TMEM132B: variants seen among roughly 807,000 people sequenced by gnomAD.
TMEM132B encodes transmembrane protein 132B.
Under a neutral mutation model 90.8 loss-of-function variants are expected in TMEM132B, and 18 were observed. The ratio of observed to expected loss-of-function variants is 0.20; its 90% CI spans 0.14 to 0.29. The LOEUF is 0.29. Ranked by LOEUF, TMEM132B falls within the 10% of genes least tolerant of loss-of-function variation. The probability of loss-of-function intolerance (pLI) is 1.00; values close to 1 mark genes in which losing one functional copy is unlikely to be tolerated. For synonymous variants in TMEM132B, 504 were observed against 523.3 expected, an observed-to-expected ratio of 0.96 and a Z score of 0.50; for missense variants, 1,096 against 1,326.8, an observed-to-expected ratio of 0.83 and a Z score of 2.70.
At chr12:125,591,037 TTGTG>T (rs1316294418) in intron 5 of TMEM132B, among the ~76,000 whole-genome samples, 5 of 147,164 alleles carry the variant, frequency 3.4e-5, no homozygotes, top group Admixed American at 2.0e-4. Context: ...GTGTGTGTGT[TTGTG>T]TGTGTGTGTG....
At chr12:125,234,603 G>A (rs954431120) in intron 1 of TMEM132B, among the ~76,000 whole-genome samples, 1 of 152,192 alleles carries the variant, frequency 6.6e-6, no homozygotes, top group South Asian at 2.1e-4. Flanking sequence ...CCTTGCTCAG[G>A]GATCTGTATT....
At chr12:125,647,636 T>G (rs1425496760) in intron 6 of TMEM132B, among the ~76,000 whole-genome samples, 1 of 152,124 alleles carries the variant, frequency 6.6e-6, no homozygotes, top group Admixed American at 6.5e-5. Flanking sequence ...CATTCTTAAA[T>G]GAACAAAAGT....
At chr12:125,386,509 T>TAAAA (rs1370552225) in intron 2 of TMEM132B, among the ~76,000 whole-genome samples, 3 of 152,240 alleles carry the variant, frequency 2.0e-5, no homozygotes, top group African/African-American at 4.8e-5. Context: ...ATGAGCAAAT[T>TAAAA]AGTAGATTCT....
Position 125,420,209 on chromosome 12 carries a change from G to A in TMEM132B, c.1106+4532G>A, listed in dbSNP as rs147315641. Among the ~76,000 whole-genome samples the A allele has an allele frequency of 5.6e-3, 857 of 152,310 alleles. 5 individuals are homozygous for A. Among genetic ancestry groups the A allele is most frequent in the African/African-American group, 0.019 (789 of 41,558 alleles). The stretch of plus-strand genomic sequence containing the variant: ...GCACCTCAGTGGGGACTCTGTGTGG[G>A]GGCTTCCATCCCACATTTCCCTTCT... On this transcript the variant is annotated intron_variant, in intron 3 of 8. Coordinates refer to ENST00000682704, the MANE Select transcript of TMEM132B (RefSeq NM_001366854.1).
At chr12:125,354,361 A>G (rs538046299) in intron 2 of TMEM132B, among the ~76,000 whole-genome samples, 1 of 152,334 alleles carries the variant, frequency 6.6e-6, no homozygotes, top group East Asian at 1.9e-4. Flanking sequence ...GAGATTTTAT[A>G]TACCATTTTC....
At chr12:125,402,108 A>G (rs746844425) in intron 2 of TMEM132B, among the ~76,000 whole-genome samples, 1 of 152,220 alleles carries the variant, frequency 6.6e-6, no homozygotes, top group Non-Finnish European at 1.5e-5. Context: ...ATACTCGGCT[A>G]TTGAAACTGC....
intron 1 of TMEM132B, among the ~76,000 whole-genome samples, chr12:125,250,408 A>G (rs1237773337): frequency 6.6e-6 from 1 of 152,162 alleles, no homozygotes; most frequent in Admixed American, 6.5e-5. Flanking sequence ...AGATTCTTTG[A>G]CGCCCTCGTG....
chr12:125,206,356 C>A (rs535027668), intron 1 of TMEM132B, among the ~76,000 whole-genome samples: 1 of 152,046 alleles, frequency 6.6e-6, no homozygotes, highest in East Asian at 1.9e-4. Flanking sequence ...CTCCTGCCTC[C>A]GCCTCCTGGG....
At chr12:125,566,332 C>T (rs1884656748) in intron 4 of TMEM132B, among the ~76,000 whole-genome samples, 1 of 152,128 alleles carries the variant, frequency 6.6e-6, no homozygotes. Context: ...ATTCTGTTTC[C>T]TGTAAAATGC....
intron 5 of TMEM132B, among the ~76,000 whole-genome samples, chr12:125,596,117 C>G (rs989950759): frequency 6.6e-6 from 1 of 152,160 alleles, no homozygotes; most frequent in Non-Finnish European, 1.5e-5. Flanking sequence ...ATAAGAGACT[C>G]TTAGAGTCTC....
intron 1 of TMEM132B, among the ~76,000 whole-genome samples, chr12:125,319,056 A>C (rs976451368): frequency 1.3e-5 from 2 of 152,156 alleles, no homozygotes; most frequent in Non-Finnish European, 2.9e-5. Context: ...CAGTGGTAAG[A>C]GCATCAGGTA....
At chr12:125,427,690 C>T (rs1880359873) in intron 3 of TMEM132B, among the ~76,000 whole-genome samples, 1 of 152,168 alleles carries the variant, frequency 6.6e-6, no homozygotes, top group Non-Finnish European at 1.5e-5. Flanking sequence ...ACCACATTGC[C>T]AGGTTCATGC....
intron 1 of TMEM132B, among the ~76,000 whole-genome samples, chr12:125,298,574 T>C (rs1399176619): frequency 7.0e-6 from 1 of 142,654 alleles, no homozygotes; most frequent in Non-Finnish European, 1.5e-5. Context: ...CTCGGGAGGC[T>C]GAGGCAGGAG....
intron 5 of TMEM132B, among the ~76,000 whole-genome samples, chr12:125,643,360 T>C (rs573051879): frequency 6.6e-6 from 1 of 152,310 alleles, no homozygotes; most frequent in East Asian, 1.9e-4. Context: ...ATTTTCCTGA[T>C]TGTCCAGGAG....
chr12:125,583,138 A>G lies in TMEM132B; in HGVS notation c.1294-713A>G, dbSNP rs551444389. Among the ~76,000 whole-genome samples the G allele has an allele frequency of 5.3e-5, 8 of 152,362 alleles. No individual in the cohort carries two copies. In the East Asian group the frequency reaches 1.3e-3, roughly 26 times the overall value. ...GCATTGTGGTTGTCCAGCTGAGAGA[A>G]GATGGCTTGAGTAGGGAAGTTGGCA... On this transcript the variant is annotated intron_variant, in intron 4 of 8. Transcript: ENST00000682704.
chr12:125,333,753 A>T (rs1054813354), intron 1 of TMEM132B, among the ~76,000 whole-genome samples: 6 of 152,242 alleles, frequency 3.9e-5, no homozygotes, highest in African/African-American at 1.4e-4. Flanking sequence ...TTTAAAGAAA[A>T]GCCAGAAATC....
At chr12:125,585,876 G>A (rs1049232607) in intron 5 of TMEM132B, 1 of 152,222 alleles carries the variant, frequency 6.6e-6, no homozygotes, top group African/African-American at 2.4e-5. Flanking sequence ...CAGATCGCAA[G>A]CTCAGAGCTG....
chr12:125,511,779 G>C (rs1030585620), intron 3 of TMEM132B, among the ~76,000 whole-genome samples: 1 of 150,454 alleles, frequency 6.6e-6, no homozygotes, highest in African/African-American at 2.5e-5. Context: ...GTGAACCCGG[G>C]AGGCGGAGCT....
chr12:125,248,772 T>C, intron 1 of TMEM132B, among the ~76,000 whole-genome samples: 1 of 152,162 alleles, frequency 6.6e-6, no homozygotes, highest in East Asian at 1.9e-4. Flanking sequence ...TGCCCAGTTG[T>C]AGTCGATTTT....
Sources: gnomAD v4.1 joint callset for allele counts (sites outside exome capture counted in the v4.1 genomes callset) on GRCh38, gnomAD v4.1.1 for gene constraint, MANE v1.5 for transcripts, NCBI Gene and HGNC (gene_info 2026-07-23, HGNC 2026-07-21) for gene names.